Variants in PPFIA2 observed in about 807,000 individuals in gnomAD.
PPFIA2 encodes PPFI scaffold protein A2.
In PPFIA2, 46 loss-of-function variants were observed where a neutral mutation model predicts 175.5. That is an observed-to-expected ratio of 0.26 (90% CI 0.21 to 0.34). The LOEUF (loss-of-function observed/expected upper bound fraction) is 0.34, where lower values mean the gene tolerates loss of function less well. Among genes scored for constraint, PPFIA2 ranks in the 10% least tolerant of loss-of-function variants. PPFIA2 has a pLI of 1.00. For missense variants in PPFIA2, 1,179 were observed against 1,506.1 expected, an observed-to-expected ratio of 0.78 and a Z score of 3.60; for synonymous variants, 568 against 511.4, an observed-to-expected ratio of 1.11 and a Z score of -1.49.
Position 81,559,050 on chromosome 12 carries a change from A to C in PPFIA2, c.304-101184T>G, listed in dbSNP as rs114622340. On this transcript the variant is annotated intron_variant, in intron 4 of 32. Transcript: ENST00000549396. The stretch of plus-strand genomic sequence containing the variant: ...GAGTTAATAGCCCTGAAAATTAAGA[A>C]ATCTTTGAACCATTTGAAAAAGACA... Among the ~76,000 whole-genome samples the C allele has an allele frequency of 1.0e-3, 153 of 152,338 alleles. 2 individuals are homozygous for C. The highest frequency in any genetic ancestry group is 3.6e-3 in the African/African-American group (148 of 41,580).
At chr12:81,753,389 A>G (rs1275372662) in intron 3 of PPFIA2, among the ~76,000 whole-genome samples, 1 of 152,108 alleles carries the variant, frequency 6.6e-6, no homozygotes, top group African/African-American at 2.4e-5. Context: ...TAAGTTAGTG[A>G]GGCTTAACTT....
At chr12:81,346,836 C>A (rs1369783708) in intron 18 of PPFIA2, among the ~76,000 whole-genome samples, 1 of 151,578 alleles carries the variant, frequency 6.6e-6, no homozygotes, top group Non-Finnish European at 1.5e-5. Flanking sequence ...ATGTTAAAAA[C>A]ACACACACAC....
chr12:81,436,201 A>T (rs543774887), intron 7 of PPFIA2, among the ~76,000 whole-genome samples: 2 of 141,732 alleles, frequency 1.4e-5, no homozygotes, highest in Non-Finnish European at 3.0e-5. Flanking sequence ...GGATCACCTG[A>T]GGCTAAGAGG....
chr12:81,609,237 A>T (rs774212205), intron 4 of PPFIA2, among the ~76,000 whole-genome samples: 1 of 152,122 alleles, frequency 6.6e-6, no homozygotes, highest in Non-Finnish European at 1.5e-5. Flanking sequence ...TGCAGATGAG[A>T]ATAATGTATA....
At chr12:81,470,239 A>T (rs2056486235) in intron 4 of PPFIA2, among the ~76,000 whole-genome samples, 1 of 152,216 alleles carries the variant, frequency 6.6e-6, no homozygotes, top group Admixed American at 6.5e-5. Flanking sequence ...CAATTCTATA[A>T]TAAGAAGACA....
intron 4 of PPFIA2, among the ~76,000 whole-genome samples, chr12:81,484,448 G>A (rs2058596893): frequency 6.6e-6 from 1 of 151,876 alleles, no homozygotes; most frequent in African/African-American, 2.4e-5. Flanking sequence ...GTGGGAGGCA[G>A]AAATACCCTC....
At chr12:81,671,203 T>A (rs140305663) in intron 4 of PPFIA2, among the ~76,000 whole-genome samples, 1 of 152,028 alleles carries the variant, frequency 6.6e-6, no homozygotes, top group Middle Eastern at 3.4e-3. Context: ...ATCCACTCAA[T>A]TGCCAAACCA....
chr12:81,538,302 A>G (rs1225520079), intron 4 of PPFIA2, among the ~76,000 whole-genome samples: 1 of 151,968 alleles, frequency 6.6e-6, no homozygotes, highest in Non-Finnish European at 1.5e-5. Flanking sequence ...AAGAAGTTGT[A>G]GATCTTGATG....
intron 4 of PPFIA2, among the ~76,000 whole-genome samples, chr12:81,622,917 G>T (rs796256074): frequency 1.1e-4 from 16 of 152,188 alleles, no homozygotes; most frequent in African/African-American, 3.9e-4. Flanking sequence ...GAAAGTTATA[G>T]TCCAGAAGAA....
chr12:81,411,018 T>C (rs1255388174), intron 7 of PPFIA2, among the ~76,000 whole-genome samples: 1 of 152,074 alleles, frequency 6.6e-6, no homozygotes, highest in African/African-American at 2.4e-5. Flanking sequence ...CCCAACTCAT[T>C]TGAAATGGTT....
At chr12:81,292,902 T>C (rs985786522) in intron 24 of PPFIA2, 4 of 152,010 alleles carry the variant, frequency 2.6e-5, no homozygotes, top group African/African-American at 9.7e-5. Context: ...TTCCTACATG[T>C]CATTTAGGAA....
At chr12:81,721,894 G>T (rs1270084828) in intron 3 of PPFIA2, among the ~76,000 whole-genome samples, 1 of 150,898 alleles carries the variant, frequency 6.6e-6, no homozygotes, top group Non-Finnish European at 1.5e-5. Flanking sequence ...GTTTAGCAAG[G>T]ATTTCAGTGA....
At chr12:81,410,516 C>A (rs559005121) in intron 7 of PPFIA2, among the ~76,000 whole-genome samples, 7 of 152,090 alleles carry the variant, frequency 4.6e-5, no homozygotes, top group African/African-American at 1.7e-4. Context: ...TAGCAACCCA[C>A]TGAAGGCTCA....
At chr12:81,566,233 G>A (rs535132281) in intron 4 of PPFIA2, among the ~76,000 whole-genome samples, 1 of 152,258 alleles carries the variant, frequency 6.6e-6, no homozygotes, top group African/African-American at 2.4e-5. Context: ...AAAAGTACAT[G>A]TACGTTTTGG....
chr12:81,406,480 TTTAG>T lies in PPFIA2; in HGVS notation c.646-581_646-578del, dbSNP rs2042957427. On this transcript the variant is annotated intron_variant, in intron 7 of 32. Transcript: ENST00000549396. Reference sequence around the variant, plus strand: ...TTTTAATGTCCATTATTTTACCAAATTTAGTTAATTTGCAAACACAAATTAAGAA... The same window carrying T: ...TTTTAATGTCCATTATTTTACCAAATTTAATTTGCAAACACAAATTAAGAA... 2.0e-5 allele frequency among the ~76,000 whole-genome samples: 3 copies of T among 152,110 alleles called. 1 individual carries two copies. The highest frequency in any genetic ancestry group is 2.0e-4 in the Admixed American group (3 of 15,258).
chr12:81,417,134 G>A (rs1247261817), intron 7 of PPFIA2: 1 of 151,634 alleles, frequency 6.6e-6, no homozygotes, highest in Admixed American at 6.6e-5. Context: ...GTTTATTCAA[G>A]TGTATTCCAT....
chr12:81,449,002 T>A (rs1240653978), intron 5 of PPFIA2, among the ~76,000 whole-genome samples: 1 of 152,216 alleles, frequency 6.6e-6, no homozygotes, highest in Non-Finnish European at 1.5e-5. Flanking sequence ...ATATCAAAGT[T>A]TCTTGAATAT....
intron 3 of PPFIA2, among the ~76,000 whole-genome samples, chr12:81,744,364 A>C (rs1183061896): frequency 6.6e-6 from 1 of 151,708 alleles, no homozygotes; most frequent in East Asian, 1.9e-4. Flanking sequence ...ATTAATAATA[A>C]TTTGTTTGCC....
intron 21 of PPFIA2, among the ~76,000 whole-genome samples, 178 bp downstream of exon 21, chr12:81,339,002 T>C (rs1035849185): frequency 6.6e-6 from 1 of 152,106 alleles, no homozygotes; most frequent in African/African-American, 2.4e-5. Context: ...TTTCACTAAG[T>C]TGTATTAAGC....
Sources: allele counts gnomAD v4.1 joint callset (sites outside exome capture counted in the v4.1 genomes callset), GRCh38; gene constraint gnomAD v4.1.1; transcripts MANE v1.5; gene names NCBI Gene and HGNC (gene_info 2026-07-23, HGNC 2026-07-21).